The following HERC3 variants were observed in gnomAD, a reference collection of about 807,000 sequenced individuals.
The protein encoded by HERC3 is HECT and RLD domain containing E3 ubiquitin protein ligase 3, also known as probable E3 ubiquitin-protein ligase HERC3.
A neutral mutation model predicts 129.9 loss-of-function variants in HERC3; 58 were observed. The ratio of observed to expected loss-of-function variants is 0.45; its 90% CI spans 0.36 to 0.56. HERC3 has a LOEUF of 0.56. HERC3 is among the 20% of genes least tolerant of loss of function. The probability of loss-of-function intolerance (pLI) is 0.00; values close to 1 mark genes in which losing one functional copy is unlikely to be tolerated. For synonymous variants in HERC3, 430 were observed against 451.0 expected (o/e 0.95, Z 0.59); for missense variants, 835 against 1,244.2 (o/e 0.67, Z 4.95).
chr4:88,564,058 TG>T, the HERC3 span, among the ~76,000 whole-genome samples: 4 of 152,256 alleles, frequency 2.6e-5, no homozygotes, highest in African/African-American at 7.2e-5. Context: ...GTATGGTTTT[TG>T]TCCTTGATTC....
the HERC3 span, among the ~76,000 whole-genome samples, chr4:88,585,072 T>C: frequency 2.6e-5 from 4 of 152,254 alleles, no homozygotes; most frequent in Admixed American, 6.5e-5. Context: ...AAGGACCTTT[T>C]GCTGGTTCAC....
chr4:88,655,744 C>T (rs974329377), intron 8 of HERC3, 131 bp from the exon 9 acceptor site: 2 of 810,104 alleles, frequency 2.5e-6, no homozygotes, highest in East Asian at 2.5e-5. Flanking sequence ...CAAGAAGAGT[C>T]ACGTGTTAAC....
At chr4:88,625,472 T>A (rs1209927468) in intron 3 of HERC3, among the ~76,000 whole-genome samples, 2 of 152,202 alleles carry the variant, frequency 1.3e-5, no homozygotes, top group Non-Finnish European at 2.9e-5. Flanking sequence ...AATCTTTAAT[T>A]TCTAGTATTT....
intron 21 of HERC3, 149 bp from the exon 22 acceptor site, chr4:88,686,587 G>T: frequency 1.8e-6 from 1 of 562,492 alleles, no homozygotes; most frequent in Non-Finnish European, 3.2e-6. Context: ...GTAGGTACAT[G>T]ATTTTCTGTC....
chr4:88,678,069 C>G lies in HERC3; in HGVS notation c.2131C>G (p.Leu711Val), dbSNP rs1189420820. 1 of 1,614,070 alleles carries G rather than the reference C, an allele frequency of 6.2e-7. No homozygotes were observed. The highest frequency in any genetic ancestry group is 8.5e-7 in the Non-Finnish European group (1 of 1,179,998). ...GGTCCTTCACGTTCGCAGGAACAAC[C>G]TTGTTGGAGATGCCCTAAGAGAGCT... ...FLVLHVRRNNLVGDALRELSI... is the reference protein window; with the variant it reads ...FLVLHVRRNNVVGDALRELSI... The change falls in exon 19 of 26, where the codon CTT (leucine) becomes GTT (valine). Residue 711 changes from leucine to valine, a missense_variant. By Grantham distance (32) the Leu-to-Val change is conservative (BLOSUM62 1). Transcript: ENST00000402738.
At chr4:88,687,867 T>TA (rs1191626119) in intron 23 of HERC3, among the ~76,000 whole-genome samples, 8 of 152,248 alleles carry the variant, frequency 5.3e-5, no homozygotes, top group African/African-American at 1.9e-4. Flanking sequence ...GGATGATTCA[T>TA]AATCTCTGAG....
intron 23 of HERC3, among the ~76,000 whole-genome samples, chr4:88,699,490 C>G (rs889806080): frequency 6.7e-6 from 1 of 148,506 alleles, no homozygotes; most frequent in South Asian, 2.2e-4. Flanking sequence ...TCTCTGCCTT[C>G]TTTCTCACTC....
chr4:88,639,755 A>G (rs1469860142), intron 3 of HERC3, among the ~76,000 whole-genome samples: 4 of 152,248 alleles, frequency 2.6e-5, no homozygotes, highest in Admixed American at 2.6e-4. Context: ...ATTAAACTAA[A>G]GAGCTTCTTT....
rs140665124 is a variant in HERC3 at position 88,654,735 on chromosome 4, T to C, written c.778-439T>C. Among the ~76,000 whole-genome samples the C allele has an allele frequency of 2.0e-3, 308 of 152,108 alleles. 6 individuals carry two copies. The highest frequency in any genetic ancestry group is 0.011 in the East Asian group (56 of 5,182). On this transcript the variant is annotated intron_variant, in intron 7 of 25. Transcript: ENST00000402738. ...ATATTGAACAAATATTATTCTACGT[T>C]CACTTTGATAAAATGCCTTAACATT...
At chr4:88,701,354 C>T (rs554942556) in intron 23 of HERC3, among the ~76,000 whole-genome samples, 2 of 152,218 alleles carry the variant, frequency 1.3e-5, no homozygotes, top group Non-Finnish European at 2.9e-5. Context: ...GTCTGCCTCA[C>T]TTATCCACTG....
At chr4:88,591,932 C>G (rs1721733896), upstream of HERC3, among the ~76,000 whole-genome samples, 1 of 152,022 alleles carries the variant, frequency 6.6e-6, no homozygotes. Context: ...TCCAGAAGAG[C>G]GCCGGCGGCT....
intron 1 of HERC3, 90 bp from the exon 2 acceptor site, chr4:88,595,467 A>C (rs1335938418): frequency 6.6e-6 from 1 of 152,232 alleles, no homozygotes; most frequent in Admixed American, 6.5e-5. Flanking sequence ...TCTTATTTTC[A>C]GAGGTTAACT....
At chr4:88,698,800 C>T (rs549287316) in intron 23 of HERC3, among the ~76,000 whole-genome samples, 1 of 145,462 alleles carries the variant, frequency 6.9e-6, no homozygotes, top group African/African-American at 2.6e-5. Flanking sequence ...TGCCCATCTT[C>T]TTCCCCGCCT....
Position 88,690,426 on chromosome 4 carries a change from T to C in HERC3, c.2657+3127T>C, listed in dbSNP as rs1020144593. 2.2e-5 allele frequency: 22 copies of C among 985,256 alleles called. No homozygotes were observed. The East Asian group carries it at 1.1e-3, about 51-fold the overall frequency. The allele number at this position is 985,256 out of a possible 1,614,324, so 61.0% of individuals were successfully genotyped here. On this transcript the variant is annotated intron_variant, in intron 23 of 25. Coordinates refer to ENST00000402738, the MANE Select transcript of HERC3 (RefSeq NM_014606.3). ...CGTATGTAGATACATACGTAACCTT[T>C]AGTCTTTCAAACAATGTCTTAGCTT...
intron 2 of HERC3, among the ~76,000 whole-genome samples, chr4:88,595,910 G>C (rs903442640): frequency 1.3e-5 from 2 of 149,384 alleles, no homozygotes; most frequent in African/African-American, 5.0e-5. Flanking sequence ...GTGCAGTGGC[G>C]GGATCTCGGC....
At chr4:88,535,424 G>A in the HERC3 span, among the ~76,000 whole-genome samples, 1 of 152,188 alleles carries the variant, frequency 6.6e-6, no homozygotes, top group Non-Finnish European at 1.5e-5. Flanking sequence ...CACCAACTTA[G>A]AGAATTCATA....
At chr4:88,679,344 G>A (rs1284108717) in intron 19 of HERC3, among the ~76,000 whole-genome samples, 2 of 152,064 alleles carry the variant, frequency 1.3e-5, no homozygotes, top group African/African-American at 4.8e-5. Flanking sequence ...GTTACTTCAA[G>A]AACCCTATTG....
intron 10 of HERC3, 86 bp downstream of exon 10, chr4:88,658,577 G>T (rs2149283117): frequency 4.5e-6 from 3 of 674,140 alleles, no homozygotes; most frequent in East Asian, 5.3e-5. Flanking sequence ...AACATAAAGA[G>T]CAATGTTACT....
chr4:88,595,217 T>G (rs921059645), intron 1 of HERC3, among the ~76,000 whole-genome samples: 2 of 152,070 alleles, frequency 1.3e-5, no homozygotes, highest in Admixed American at 1.3e-4. Context: ...TAGACAAAAT[T>G]TAATTATTTT....
Sources: allele counts gnomAD v4.1 joint callset (sites outside exome capture counted in the v4.1 genomes callset), GRCh38; gene constraint gnomAD v4.1.1; transcripts MANE v1.5; gene names NCBI Gene and HGNC (gene_info 2026-07-23, HGNC 2026-07-21).